The following CAPRIN2 variants were observed in gnomAD, a reference collection of about 807,000 sequenced individuals.
The protein encoded by CAPRIN2 is caprin-2.
A neutral mutation model predicts 130.4 loss-of-function variants in CAPRIN2; 66 were observed. The observed-to-expected ratio is 0.51, with a 90% CI of 0.42 to 0.62. The LOEUF (loss-of-function observed/expected upper bound fraction) is 0.62. CAPRIN2 is among the 20% of genes least tolerant of loss of function. CAPRIN2 has a pLI of 0.00. For synonymous variants in CAPRIN2, 471 were observed against 444.1 expected, an observed-to-expected ratio of 1.06 and a Z score of -0.76; for missense variants, 1,185 against 1,246.6, an observed-to-expected ratio of 0.95 and a Z score of 0.74.
chr12:30,744,128 TCCTA>T (rs1341857042), intron 2 of CAPRIN2, among the ~76,000 whole-genome samples: 1 of 152,122 alleles, frequency 6.6e-6, no homozygotes, highest in Non-Finnish European at 1.5e-5. Flanking sequence ...TACCCTCTAC[TCCTA>T]CATCCAGTCA....
At chr12:30,736,726 G>C (rs907575652) in intron 3 of CAPRIN2, among the ~76,000 whole-genome samples, 4 of 152,172 alleles carry the variant, frequency 2.6e-5, no homozygotes, top group Admixed American at 6.5e-5. Context: ...AAGGCTTTTT[G>C]CAAGACCTCA....
chr12:30,717,139 G>T (rs965902842), intron 12 of CAPRIN2, among the ~76,000 whole-genome samples: 3 of 152,148 alleles, frequency 2.0e-5, no homozygotes, highest in Admixed American at 6.6e-5. Flanking sequence ...ACACACCCAT[G>T]TTCATAGCAG....
intron 3 of CAPRIN2, among the ~76,000 whole-genome samples, chr12:30,737,953 G>GA (rs2138740733): frequency 6.6e-6 from 1 of 152,196 alleles, no homozygotes; most frequent in Non-Finnish European, 1.5e-5. Flanking sequence ...CCAGGAGACA[G>GA]AGCTCATGAG....
In CAPRIN2 at chr12:30,728,799, G is replaced by GT; in HGVS notation, c.1630dup (p.Thr544AsnfsTer10). 5 of 1,614,138 alleles carry GT rather than the reference G, an allele frequency of 3.1e-6. No individual in the cohort carries two copies. The highest frequency in any genetic ancestry group is 4.2e-6 in the Non-Finnish European group (5 of 1,180,022). ...AACATTGTTTTCCCAGGATTTTGGA[G>GT]TCTCTGGCTGTTTTGAATCCTGTTC... On this transcript the variant is annotated frameshift_variant, in exon 8 of 17. Transcript: ENST00000298892. LOFTEE classifies it high-confidence loss of function.
intron 4 of CAPRIN2, 78 bp downstream of exon 5, chr12:30,734,874 ACACACACACACACTCT>A: frequency 1.3e-6 from 1 of 767,582 alleles, no homozygotes; most frequent in Admixed American, 1.9e-5. Context: ...ACACACACAC[ACACACACACACACTCT>A]CTCTCTCACA....
chr12:30,733,795 T>C (rs2063528572), intron 4 of CAPRIN2, 84 bp from the exon 6 acceptor site: 3 of 864,684 alleles, frequency 3.5e-6, no homozygotes, highest in Non-Finnish European at 5.8e-6. Flanking sequence ...ATATAACCCA[T>C]TAACAGACAA....
At chr12:30,733,862 T>C (rs1316140061) in intron 4 of CAPRIN2, 151 bp from the exon 6 acceptor site, 3 of 613,972 alleles carry the variant, frequency 4.9e-6, no homozygotes, top group African/African-American at 1.8e-5. Flanking sequence ...AATTGAAATG[T>C]ATACAAGATG....
intron 15 of CAPRIN2, among the ~76,000 whole-genome samples, chr12:30,712,495 T>C (rs2055310449): frequency 6.6e-6 from 1 of 152,118 alleles, no homozygotes; most frequent in South Asian, 2.1e-4. Flanking sequence ...CATAATAACA[T>C]CTAATATTTG....
chr12:30,722,877 C>A (rs1458080590), intron 11 of CAPRIN2, among the ~76,000 whole-genome samples: 1 of 152,156 alleles, frequency 6.6e-6, no homozygotes, highest in Non-Finnish European at 1.5e-5. Flanking sequence ...GCACTCCAGC[C>A]TGGGCGACAG....
chr12:30,744,946 G>C (rs1215838586), intron 2 of CAPRIN2, among the ~76,000 whole-genome samples: 1 of 152,166 alleles, frequency 6.6e-6, no homozygotes, highest in Non-Finnish European at 1.5e-5. Flanking sequence ...TATACTGAGA[G>C]CTGTTTCAAG....
In CAPRIN2 at chr12:30,736,060, G is replaced by A. The variant is rs1254279384; in HGVS notation, c.571-854C>T. Among the ~76,000 whole-genome samples, 3 of 151,804 alleles carry A rather than the reference G, an allele frequency of 2.0e-5. No homozygotes were observed. The East Asian group carries it at 5.8e-4, about 29-fold the overall frequency. On this transcript the variant is annotated intron_variant, in intron 3 of 16. Transcript: ENST00000298892. ...GGAAGCTGTGGTAGACAGATTGCTTGAGCCCGGGAGGTCAAGGCTACAGTG... is the reference window on the plus strand; with the variant it reads ...GGAAGCTGTGGTAGACAGATTGCTTAAGCCCGGGAGGTCAAGGCTACAGTG...
At chr12:30,750,644 G>C (rs1209362343) in intron 2 of CAPRIN2, among the ~76,000 whole-genome samples, 3 of 152,188 alleles carry the variant, frequency 2.0e-5, no homozygotes, top group African/African-American at 4.8e-5. Flanking sequence ...GAATTAAGGT[G>C]AGGCAGCTAG....
At chr12:30,754,441 C>T (rs1010180188) in exon 1 of CAPRIN2, 1 of 152,770 alleles carries the variant, frequency 6.5e-6, no homozygotes, top group Non-Finnish European at 1.5e-5. Context: ...GCGCGCACCC[C>T]CTCAAGTCTC....
At chr12:30,731,683 G>A (rs962255598) in intron 5 of CAPRIN2, among the ~76,000 whole-genome samples, 173 bp from the exon 7 acceptor site, 2 of 152,006 alleles carry the variant, frequency 1.3e-5, no homozygotes, top group South Asian at 2.1e-4. Flanking sequence ...GTACTGACTG[G>A]AGAACTTGTC....
At chr12:30,745,441 T>G (rs568041335) in intron 2 of CAPRIN2, among the ~76,000 whole-genome samples, 1 of 152,304 alleles carries the variant, frequency 6.6e-6, no homozygotes, top group African/African-American at 2.4e-5. Flanking sequence ...CAATTTAACA[T>G]AAACCTTATG....
exon 8 of CAPRIN2, chr12:30,729,295 C>A: frequency 1.3e-6 from 2 of 1,585,456 alleles, no homozygotes; most frequent in Non-Finnish European, 1.7e-6. Flanking sequence ...TTTGAATAAT[C>A]TACTTCTGTC....
intron 5 of CAPRIN2, 55 bp from the exon 7 acceptor site, chr12:30,731,565 G>A (rs2062691800): frequency 1.4e-6 from 2 of 1,414,436 alleles, no homozygotes; most frequent in East Asian, 4.6e-5. Context: ...AAAATTACTG[G>A]GAATAGAAAT....
Position 30,753,440 on chromosome 12 carries a change from C to CA in CAPRIN2, c.323dup (p.Ser109GlufsTer11). 1 of 1,614,128 alleles carries CA rather than the reference C, an allele frequency of 6.2e-7. No homozygotes were observed. Among genetic ancestry groups the CA allele is most frequent in the Non-Finnish European group, 8.5e-7 (1 of 1,180,028 alleles). On this transcript the variant is annotated frameshift_variant, in exon 1 of 17. Coordinates refer to ENST00000298892, the Ensembl canonical transcript of CAPRIN2. LOFTEE classifies it high-confidence loss of function. The stretch of plus-strand genomic sequence containing the variant: ...CTTGGGAAGGAGATGCAGCAGAACT[C>CA]AGAGTAGACTGCAGGGGGCTCAAGG...
chr12:30,754,463 G>A (rs2075373249), exon 1 of CAPRIN2: 1 of 152,682 alleles, frequency 6.5e-6, no homozygotes, highest in South Asian at 2.1e-4. Flanking sequence ...GGGGGAGCCT[G>A]AGCGAAGAGC....
Sources: gnomAD v4.1 joint callset for allele counts (sites outside exome capture counted in the v4.1 genomes callset) on GRCh38, gnomAD v4.1.1 for gene constraint, MANE v1.5 for transcripts, NCBI Gene and HGNC (gene_info 2026-07-23, HGNC 2026-07-21) for gene names.